PRKCB: variants seen among roughly 807,000 people sequenced by gnomAD.
The protein encoded by PRKCB is protein kinase C beta, also known as protein kinase C beta type.
In PRKCB, 13 loss-of-function variants were observed where a neutral mutation model predicts 81.5. The ratio of observed to expected loss-of-function variants is 0.16; its 90% CI spans 0.10 to 0.25. The LOEUF (loss-of-function observed/expected upper bound fraction) is 0.25, where lower values mean the gene tolerates loss of function less well. Ranked by LOEUF, PRKCB falls within the 10% of genes least tolerant of loss-of-function variation. The pLI is 1.00. For synonymous variants in PRKCB, 335 were observed against 321.4 expected, an observed-to-expected ratio of 1.04 and a Z score of -0.45; for missense variants, 509 against 875.7, an observed-to-expected ratio of 0.58 and a Z score of 5.29.
At chr16:24,017,773 A>G (rs761386288) in intron 3 of PRKCB, among the ~76,000 whole-genome samples, 36 of 152,254 alleles carry the variant, frequency 2.4e-4, no homozygotes, top group Non-Finnish European at 4.0e-4. Context: ...TCTGTCACCC[A>G]GGCTAGAGTG....
chr16:24,122,800 C>T (rs1411556976), intron 8 of PRKCB, among the ~76,000 whole-genome samples: 1 of 152,198 alleles, frequency 6.6e-6, no homozygotes, highest in Non-Finnish European at 1.5e-5. Flanking sequence ...CTCTGCTAAA[C>T]GTGAATCCAG....
chr16:24,123,246 A>G (rs960695174), intron 8 of PRKCB, among the ~76,000 whole-genome samples: 4 of 152,240 alleles, frequency 2.6e-5, no homozygotes, highest in Non-Finnish European at 4.4e-5. Context: ...TTTGTACCAC[A>G]GTAGCAGCAG....
At chr16:23,890,925 G>A (rs533971947) in intron 2 of PRKCB, among the ~76,000 whole-genome samples, 6 of 152,004 alleles carry the variant, frequency 3.9e-5, no homozygotes, top group Non-Finnish European at 8.8e-5. Flanking sequence ...CCCTGAAGAT[G>A]AATGGGACAT....
At chr16:24,086,632 A>G (rs1036363074) in intron 5 of PRKCB, among the ~76,000 whole-genome samples, 3 of 152,246 alleles carry the variant, frequency 2.0e-5, no homozygotes, top group Non-Finnish European at 4.4e-5. Flanking sequence ...GTAAAAGCAC[A>G]ACTGAATTTG....
intron 3 of PRKCB, among the ~76,000 whole-genome samples, chr16:24,012,640 G>A (rs1374071377): frequency 2.0e-5 from 3 of 152,234 alleles, no homozygotes; most frequent in South Asian, 2.1e-4. Flanking sequence ...AAGTGGCTGC[G>A]AAGCAGGGTG....
chr16:23,905,042 CTTTTTTT>C (rs1227867693), intron 2 of PRKCB, among the ~76,000 whole-genome samples: 1 of 110,238 alleles, frequency 9.1e-6, no homozygotes, highest in African/African-American at 3.8e-5. Flanking sequence ...CTTTTTTTTT[CTTTTTTT>C]TTTTTTTAAT....
At chr16:23,911,348 C>G (rs1297770796) in intron 2 of PRKCB, among the ~76,000 whole-genome samples, 1 of 151,588 alleles carries the variant, frequency 6.6e-6, no homozygotes, top group Non-Finnish European at 1.5e-5. Flanking sequence ...GGCTGTTCTT[C>G]AACTCCTGAG....
At chr16:23,964,976 G>A (rs1167784813) in intron 2 of PRKCB, among the ~76,000 whole-genome samples, 1 of 152,148 alleles carries the variant, frequency 6.6e-6, no homozygotes, top group Non-Finnish European at 1.5e-5. Context: ...GGTCTCATGA[G>A]TCTTGTTCAT....
At chr16:24,135,772 G>A (rs1596563887) in intron 9 of PRKCB, among the ~76,000 whole-genome samples, 1 of 152,342 alleles carries the variant, frequency 6.6e-6, no homozygotes, top group East Asian at 1.9e-4. Context: ...AATCTCATTA[G>A]TGGTATGTAT....
chr16:24,015,027 C>T (rs1299868710), intron 3 of PRKCB, among the ~76,000 whole-genome samples: 1 of 152,164 alleles, frequency 6.6e-6, no homozygotes, highest in African/African-American at 2.4e-5. Context: ...TCTCGAACTC[C>T]TGGCCTCAAG....
chr16:24,140,448 A>G (rs1966887844), intron 9 of PRKCB, among the ~76,000 whole-genome samples: 1 of 152,056 alleles, frequency 6.6e-6, no homozygotes, highest in South Asian at 2.1e-4. Flanking sequence ...AGAGCTTTAC[A>G]CACAAAGACT....
chr16:24,069,228 T>C (rs1431198040), intron 5 of PRKCB, among the ~76,000 whole-genome samples: 1 of 152,172 alleles, frequency 6.6e-6, no homozygotes, highest in Non-Finnish European at 1.5e-5. Flanking sequence ...TAAGGGTACA[T>C]GAAATGCAGG....
intron 6 of PRKCB, 136 bp downstream of exon 6, chr16:24,093,083 T>C: frequency 1.1e-6 from 1 of 938,198 alleles, no homozygotes; most frequent in Non-Finnish European, 1.5e-6. Context: ...TCTCCATCCC[T>C]CACTCCTATC....
At chr16:24,143,679 G>C (rs541804678) in intron 9 of PRKCB, among the ~76,000 whole-genome samples, 1 of 152,308 alleles carries the variant, frequency 6.6e-6, no homozygotes, top group East Asian at 1.9e-4. Flanking sequence ...ACCTTACTGT[G>C]TTGAGGTATA....
At chr16:23,876,019 C>T (rs528191008) in intron 2 of PRKCB, among the ~76,000 whole-genome samples, 4 of 152,246 alleles carry the variant, frequency 2.6e-5, no homozygotes, top group Middle Eastern at 3.4e-3. Context: ...TGTGACTGGC[C>T]GGGCCCCATA....
chr16:24,143,062 GCCAATTTAGTGTTTGAGGAC>G (rs1164966137), intron 9 of PRKCB, among the ~76,000 whole-genome samples: 3 of 151,974 alleles, frequency 2.0e-5, no homozygotes, highest in African/African-American at 7.2e-5. Context: ...ATGCTCTTCT[GCCAATTTAGTGTTTGAGGAC>G]CCTGTGAGCC....
chr16:23,877,441 G>A (rs1963033217), intron 2 of PRKCB, among the ~76,000 whole-genome samples: 1 of 152,156 alleles, frequency 6.6e-6, no homozygotes, highest in Non-Finnish European at 1.5e-5. Flanking sequence ...TGAGTCACAC[G>A]ACCATCTCTG....
At chr16:24,186,969 A>T (rs139685632) in intron 15 of PRKCB, among the ~76,000 whole-genome samples, 2 of 152,110 alleles carry the variant, frequency 1.3e-5, no homozygotes, top group African/African-American at 4.8e-5. Flanking sequence ...TAGAGAGGGG[A>T]GTCCCAGAGG....
At chr16:24,088,691 C>T (rs987541452) in intron 5 of PRKCB, among the ~76,000 whole-genome samples, 5 of 147,006 alleles carry the variant, frequency 3.4e-5, no homozygotes, top group African/African-American at 7.6e-5. Context: ...ATCGCGCCAC[C>T]GCACTCCAGC....
Sources: gnomAD v4.1 joint callset for allele counts (sites outside exome capture counted in the v4.1 genomes callset) on GRCh38, gnomAD v4.1.1 for gene constraint, MANE v1.5 for transcripts, NCBI Gene and HGNC (gene_info 2026-07-23, HGNC 2026-07-21) for gene names.